Variants in SLC7A14 observed in about 807,000 individuals in gnomAD.
The protein encoded by SLC7A14 is solute carrier family 7 member 14.
SLC7A14 carries 37 observed loss-of-function variants against 60.2 expected under a neutral mutation model. The ratio of observed to expected loss-of-function variants is 0.61; its 90% CI spans 0.47 to 0.81. The LOEUF (loss-of-function observed/expected upper bound fraction) is 0.81, where lower values mean the gene tolerates loss of function less well. Among genes scored for constraint, SLC7A14 ranks in the 30% least tolerant of loss-of-function variants. The pLI is 0.00. For synonymous variants in SLC7A14, 399 were observed against 395.8 expected (o/e 1.01, Z -0.10); for missense variants, 886 against 982.7 (o/e 0.90, Z 1.32).
At chr3:170,482,485 C>T (rs180781593) in intron 6 of SLC7A14, among the ~76,000 whole-genome samples, 1 of 152,344 alleles carries the variant, frequency 6.6e-6, no homozygotes, top group Non-Finnish European at 1.5e-5. Flanking sequence ...GCTCCTTGGC[C>T]TCCACGGTTT....
chr3:170,561,742 C>T (rs1056236770), intron 1 of SLC7A14, among the ~76,000 whole-genome samples: 1 of 152,140 alleles, frequency 6.6e-6, no homozygotes, highest in Non-Finnish European at 1.5e-5. Context: ...ATCTATACAC[C>T]TGGCAAAGGA....
At chr3:170,495,651 A>T (rs1712363602) in intron 4 of SLC7A14, 30 of 833,988 alleles carry the variant, frequency 3.6e-5, no homozygotes. Flanking sequence ...GTTCAACCAG[A>T]GCCTGCTGAG....
intron 2 of SLC7A14, among the ~76,000 whole-genome samples, chr3:170,505,906 T>C (rs1301395361): frequency 2.0e-5 from 3 of 151,832 alleles, no homozygotes; most frequent in Non-Finnish European, 4.4e-5. Flanking sequence ...AAAAGAGAGA[T>C]TAACATATAA....
At chr3:170,515,280 T>G (rs1250973233) in intron 2 of SLC7A14, among the ~76,000 whole-genome samples, 2 of 149,880 alleles carry the variant, frequency 1.3e-5, no homozygotes, top group Non-Finnish European at 3.0e-5. Flanking sequence ...GCCACTACAC[T>G]CCATCCTGGG....
chr3:170,532,601 C>T lies in SLC7A14; in HGVS notation c.-152-5513G>A, dbSNP rs953548658. Among the ~76,000 whole-genome samples the T allele has an allele frequency of 2.6e-5, 4 of 151,850 alleles. No homozygotes were observed. The highest frequency in any genetic ancestry group is 3.9e-4 in the East Asian group (2 of 5,174). ...CTAATACGTGTAGAGCTTTTAGTAC[C>T]GCGCCTGGCGTATAGTGCATGCTGT... is the stretch of plus-strand genomic sequence containing the variant. On this transcript the variant is annotated intron_variant, in intron 1 of 7. Transcript: ENST00000231706. The surrounding 1 kb of genome is among the most constrained non-coding windows in gnomAD (Gnocchi z 4.0).
chr3:170,531,382 C>T (rs181112616), intron 1 of SLC7A14, among the ~76,000 whole-genome samples: 54 of 152,224 alleles, frequency 3.5e-4, no homozygotes, highest in African/African-American at 1.0e-3. Context: ...CACAAGGACA[C>T]CGAGAAACAA....
At chr3:170,512,583 T>G (rs1418086341) in intron 2 of SLC7A14, among the ~76,000 whole-genome samples, 1 of 151,404 alleles carries the variant, frequency 6.6e-6, no homozygotes, top group Non-Finnish European at 1.5e-5. Context: ...TCCTCTCCCC[T>G]TTTCTACTCC....
rs1269362400 is a variant in SLC7A14 at position 170,565,496 on chromosome 3, A to C, written c.-153+20415T>G. Among the ~76,000 whole-genome samples the C allele has an allele frequency of 2.0e-5, 3 of 152,174 alleles. No homozygotes were observed. In the East Asian group the frequency reaches 5.8e-4, roughly 29 times the overall value. On this transcript the variant is annotated intron_variant, in intron 1 of 7. Coordinates refer to ENST00000231706, the MANE Select transcript of SLC7A14 (RefSeq NM_020949.3). The stretch of plus-strand genomic sequence containing the variant: ...GCTAAGCTAGAACAAGATTTGTGCA[A>C]ATTGTCTCCCTCTTTGATACTTTTC...
chr3:170,478,184 T>A (rs1711690413), intron 7 of SLC7A14, among the ~76,000 whole-genome samples: 1 of 152,148 alleles, frequency 6.6e-6, no homozygotes, highest in South Asian at 2.1e-4. Flanking sequence ...TTCAAGCAAT[T>A]TTCCTGTCTC....
chr3:170,487,910 G>A (rs1712086279), intron 4 of SLC7A14, among the ~76,000 whole-genome samples: 1 of 152,248 alleles, frequency 6.6e-6, no homozygotes, highest in East Asian at 1.9e-4. Flanking sequence ...GTCACCAATA[G>A]CAATCAGATA....
intron 1 of SLC7A14, among the ~76,000 whole-genome samples, chr3:170,577,420 C>T (rs574095188): frequency 2.0e-5 from 3 of 151,786 alleles, no homozygotes; most frequent in Middle Eastern, 3.4e-3. Context: ...AGATCGAGAC[C>T]ATCCTGGCTA....
At chr3:170,531,955 C>G (rs1713691049) in intron 1 of SLC7A14, among the ~76,000 whole-genome samples, 1 of 152,106 alleles carries the variant, frequency 6.6e-6, no homozygotes, top group Non-Finnish European at 1.5e-5. Flanking sequence ...GAGTAGTTCA[C>G]TGAATGAGTA....
In SLC7A14 at chr3:170,585,507, C is replaced by CG. The variant is rs1293413182; in HGVS notation, c.-153+403dup. On this transcript the variant is annotated intron_variant, in intron 1 of 7. Transcript: ENST00000231706. This position sits in a 1 kb window ranked among gnomAD's most constrained non-coding sequence, Gnocchi z 5.1. ...TGCCCGTGCGGGGTGCGCGCCAAGG[C>CG]GGGGGACAGGACGGGCCCGGCGTCT... Among the ~76,000 whole-genome samples, 2 of 152,152 alleles carry CG rather than the reference C, an allele frequency of 1.3e-5. No homozygotes were observed. Among genetic ancestry groups the CG allele is most frequent in the African/African-American group, 4.8e-5 (2 of 41,454 alleles).
chr3:170,474,531 A>G (rs530433729), intron 7 of SLC7A14, among the ~76,000 whole-genome samples: 2 of 152,238 alleles, frequency 1.3e-5, no homozygotes, highest in East Asian at 3.9e-4. Flanking sequence ...TCTGAGCACA[A>G]TTTTGACATT....
intron 1 of SLC7A14, among the ~76,000 whole-genome samples, chr3:170,567,536 G>T (rs978948051): frequency 8.6e-4 from 131 of 151,812 alleles, no homozygotes; most frequent in Admixed American, 2.6e-3. Flanking sequence ...TAATGGGATG[G>T]CTGGGTCAAA....
Position 170,583,396 on chromosome 3 carries a change from G to A in SLC7A14, c.-153+2515C>T, listed in dbSNP as rs560427636. On this transcript the variant is annotated intron_variant, in intron 1 of 7. Transcript: ENST00000231706. ...GGTAAGAGGAATGCTTGTATGTTAA[G>A]TGTTTGTATTTTTGGCATGTTGTTT... 6.6e-5 allele frequency among the ~76,000 whole-genome samples: 10 copies of A among 152,334 alleles called. No homozygotes were observed. The East Asian group carries it at 1.7e-3, about 26-fold the overall frequency.
chr3:170,480,605 T>C lies in SLC7A14; in HGVS notation c.1677A>G (p.Ala559=). 1.2e-6 allele frequency: 2 copies of C among 1,614,264 alleles called. No homozygotes were observed. The highest frequency in any genetic ancestry group is 2.2e-5 in the South Asian group (2 of 91,084). Residue 559 remains alanine, a synonymous_variant, in exon 7 of 8, where the codon GCA becomes GCG. Transcript: ENST00000231706. Reference sequence around the variant, plus strand: ...AGATGGTCACCGTGTGCCCCGTCGCTGCTGTGGGCCGGTCCATTTTGCCTG... The same window carrying C: ...AGATGGTCACCGTGTGCCCCGTCGCCGCTGTGGGCCGGTCCATTTTGCCTG... ...GLPGKMDRPT[A]ATGHTVTICV...
intron 1 of SLC7A14, among the ~76,000 whole-genome samples, chr3:170,534,624 T>C (rs1025504210): frequency 2.6e-5 from 4 of 152,216 alleles, no homozygotes; most frequent in African/African-American, 7.2e-5. Context: ...AACTTAAGAC[T>C]CTGATGTGTT....
At position 170,526,819 on chromosome 3, in the gene SLC7A14, C is replaced by T. The variant is rs761442408; in HGVS notation, c.118G>A (p.Gly40Arg). The change falls in exon 2 of 8, where the codon GGG becomes AGG. Residue 40 changes from glycine (G) to arginine (R), a missense_variant. Coordinates refer to ENST00000231706, the MANE Select transcript of SLC7A14 (RefSeq NM_020949.3). ...KPVESMLEGTGTTTAHGTKLA... is the reference protein window; with the variant it reads ...KPVESMLEGTRTTTAHGTKLA... ...TTAGTTCCATGTGCCGTGGTGGTCC[C>T]AGTTCCCTCTAGCATGGACTCCACT... 96 of 1,614,064 alleles carry T rather than the reference C, an allele frequency of 5.9e-5. No homozygotes were observed. Among genetic ancestry groups the T allele is most frequent in the Middle Eastern group, 1.6e-4 (1 of 6,084 alleles).
Sources: gnomAD v4.1 joint callset for allele counts (sites outside exome capture counted in the v4.1 genomes callset) on GRCh38, gnomAD v4.1.1 for gene constraint, Gnocchi (gnomAD v3.1) non-coding constraint, MANE v1.5 for transcripts, NCBI Gene and HGNC (gene_info 2026-07-23, HGNC 2026-07-21) for gene names.